The following PDE1C variants were observed in gnomAD, a reference collection of about 807,000 sequenced individuals.
PDE1C encodes the protein dual specificity calcium/calmodulin-dependent 3',5'-cyclic nucleotide phosphodiesterase 1C.
Under a neutral mutation model 93.1 loss-of-function variants are expected in PDE1C, and 62 were observed. The observed-to-expected ratio is 0.67, with a 90% CI of 0.54 to 0.82. The LOEUF is 0.82. Among genes scored for constraint, PDE1C ranks in the 40% least tolerant of loss-of-function variants. The probability of loss-of-function intolerance (pLI) is 0.00; values close to 1 mark genes in which losing one functional copy is unlikely to be tolerated. For missense variants in PDE1C, 742 were observed against 884.6 expected, an observed-to-expected ratio of 0.84 and a Z score of 2.04; for synonymous variants, 325 against 310.1, an observed-to-expected ratio of 1.05 and a Z score of -0.50.
rs1390532665 is a variant in PDE1C at position 32,003,009 on chromosome 7, G to A, written c.128+48545C>T. On this transcript the variant is annotated intron_variant, in intron 2 of 17. Coordinates refer to ENST00000396191, the MANE Select transcript of PDE1C (RefSeq NM_001191057.4). Reference sequence around the variant, plus strand: ...TAAATAAAGCTAACTTATGCTCTGAGGTCTACTAATATACTAAACCATCAG... The same window carrying A: ...TAAATAAAGCTAACTTATGCTCTGAAGTCTACTAATATACTAAACCATCAG... 2.6e-5 allele frequency among the ~76,000 whole-genome samples: 4 copies of A among 152,138 alleles called. No homozygotes were observed. The East Asian group carries it at 5.8e-4, about 22-fold the overall frequency.
intron 2 of PDE1C, among the ~76,000 whole-genome samples, chr7:32,208,735 G>A (rs1233139961): frequency 1.3e-5 from 2 of 152,188 alleles, no homozygotes; most frequent in East Asian, 3.9e-4. Flanking sequence ...TTGGAATCCA[G>A]GTTTTCGTTC....
the PDE1C span, among the ~76,000 whole-genome samples, chr7:31,689,538 A>G: frequency 7.2e-5 from 11 of 152,210 alleles, no homozygotes; most frequent in African/African-American, 2.6e-4. Context: ...CAGGAATAGG[A>G]AATGGAAATA....
At chr7:32,243,054 C>G (rs1004592328) in intron 1 of PDE1C, among the ~76,000 whole-genome samples, 1 of 152,170 alleles carries the variant, frequency 6.6e-6, no homozygotes, top group African/African-American at 2.4e-5. Context: ...GTGCCTGACA[C>G]AAACGAGTTA....
At chr7:32,018,564 A>G (rs1163168085) in intron 2 of PDE1C, among the ~76,000 whole-genome samples, 3 of 152,162 alleles carry the variant, frequency 2.0e-5, no homozygotes, top group Non-Finnish European at 4.4e-5. Flanking sequence ...AGCCAAACGC[A>G]AAAGATCAGA....
At chr7:32,278,838 C>T (rs752201907) in intron 1 of PDE1C, among the ~76,000 whole-genome samples, 3 of 151,840 alleles carry the variant, frequency 2.0e-5, no homozygotes, top group Non-Finnish European at 2.9e-5. Context: ...ACAAAGTAAC[C>T]GATAATGAAA....
intron 2 of PDE1C, among the ~76,000 whole-genome samples, chr7:32,199,732 C>CTT (rs199894843): frequency 6.6e-6 from 1 of 151,148 alleles, no homozygotes; most frequent in Non-Finnish European, 1.5e-5. Flanking sequence ...TAGACCTAGT[C>CTT]TTTTTTTTTC....
intron 1 of PDE1C, among the ~76,000 whole-genome samples, chr7:32,237,742 G>GTATATATATATATATATATA (rs372356671): frequency 5.1e-4 from 16 of 31,234 alleles, no homozygotes; most frequent in East Asian, 1.1e-3. Context: ...TTGGCTCTGT[G>GTATATATATATATATATATA]TATATATATA....
At chr7:31,684,947 T>C in the PDE1C span, among the ~76,000 whole-genome samples, 1 of 152,206 alleles carries the variant, frequency 6.6e-6, no homozygotes, top group Non-Finnish European at 1.5e-5. Context: ...CCTCTCTACA[T>C]GAATGTTCAT....
chr7:32,387,407 G>A (rs1784650448), intron 1 of PDE1C, among the ~76,000 whole-genome samples: 1 of 151,776 alleles, frequency 6.6e-6, no homozygotes, highest in South Asian at 2.1e-4. Context: ...CCCAGACGGG[G>A]TCCTGGCCGG....
chr7:31,993,587 G>T (rs1784395484), intron 2 of PDE1C, among the ~76,000 whole-genome samples: 1 of 152,146 alleles, frequency 6.6e-6, no homozygotes, highest in South Asian at 2.1e-4. Context: ...TAAAAGGCTT[G>T]GGTGTGGAAA....
the PDE1C span, among the ~76,000 whole-genome samples, chr7:31,710,368 T>C: frequency 6.6e-6 from 1 of 152,172 alleles, no homozygotes; most frequent in Non-Finnish European, 1.5e-5. Context: ...ACAAAGCCTT[T>C]CTTTAAATCC....
intron 1 of PDE1C, among the ~76,000 whole-genome samples, chr7:32,237,088 T>C (rs916650014): frequency 1.1e-4 from 16 of 149,852 alleles, no homozygotes; most frequent in African/African-American, 3.9e-4. Context: ...ATATTCTTTT[T>C]TTTTTTTTTT....
chr7:32,089,928 T>C (rs185505417), intron 3 of PDE1C, among the ~76,000 whole-genome samples: 4 of 152,346 alleles, frequency 2.6e-5, no homozygotes, highest in Admixed American at 2.0e-4. Context: ...ACAGTAAAAA[T>C]GTTACTTGCC....
At chr7:32,273,180 G>A (rs1811072766) in intron 1 of PDE1C, among the ~76,000 whole-genome samples, 1 of 152,186 alleles carries the variant, frequency 6.6e-6, no homozygotes, top group Admixed American at 6.5e-5. Flanking sequence ...AAAAAGAAGA[G>A]TAGTTACAAT....
intron 2 of PDE1C, among the ~76,000 whole-genome samples, chr7:32,187,039 T>A (rs1439969977): frequency 6.6e-6 from 1 of 152,200 alleles, no homozygotes; most frequent in African/African-American, 2.4e-5. Context: ...GCCTATCATT[T>A]TTGGTTTTAG....
At chr7:31,694,663 G>A in the PDE1C span, among the ~76,000 whole-genome samples, 1 of 152,130 alleles carries the variant, frequency 6.6e-6, no homozygotes, top group African/African-American at 2.4e-5. Flanking sequence ...AACCATTATG[G>A]AAGAGTGAAC....
Position 31,872,209 on chromosome 7 carries a change from T to C in PDE1C, c.609+1083A>G, listed in dbSNP as rs1298529975. ...AGTCAGAGAGTAGAATGATAGATAC[T>C]GGAGGCTGGGATGTGTGTGGGGGTA... On this transcript the variant is annotated intron_variant, in intron 6 of 17. Coordinates refer to ENST00000396191, the MANE Select transcript of PDE1C (RefSeq NM_001191057.4). Among the ~76,000 whole-genome samples the C allele has an allele frequency of 2.0e-5, 3 of 152,066 alleles. No homozygotes were observed. In the South Asian group the frequency reaches 6.2e-4, roughly 32 times the overall value.
intron 7 of PDE1C, among the ~76,000 whole-genome samples, chr7:31,852,012 G>T (rs1339856959): frequency 6.6e-6 from 1 of 152,144 alleles, no homozygotes; most frequent in African/African-American, 2.4e-5. Flanking sequence ...ACTCATAAAA[G>T]CCCTGTGGTC....
chr7:32,335,675 T>C (rs906339140), intron 1 of PDE1C, among the ~76,000 whole-genome samples: 1 of 152,098 alleles, frequency 6.6e-6, no homozygotes, highest in Non-Finnish European at 1.5e-5. Flanking sequence ...CCCACCCTAG[T>C]GACCTTGCTT....
Sources: allele counts gnomAD v4.1 joint callset (sites outside exome capture counted in the v4.1 genomes callset), GRCh38; gene constraint gnomAD v4.1.1; transcripts MANE v1.5; gene names NCBI Gene and HGNC (gene_info 2026-07-23, HGNC 2026-07-21).